Variants in STXBP4 observed in about 807,000 individuals in gnomAD.
The protein encoded by STXBP4 is syntaxin binding protein 4.
Under a neutral mutation model 76.1 loss-of-function variants are expected in STXBP4, and 55 were observed. The ratio of observed to expected loss-of-function variants is 0.72; its 90% CI spans 0.58 to 0.91. STXBP4 has a LOEUF of 0.91. STXBP4 is among the 40% of genes least tolerant of loss of function. The pLI is 0.00. For synonymous variants in STXBP4, 201 were observed against 220.2 expected (o/e 0.91, Z 0.77); for missense variants, 618 against 636.9 (o/e 0.97, Z 0.32).
At chr17:55,035,632 T>C (rs542462571) in intron 10 of STXBP4, among the ~76,000 whole-genome samples, 4 of 152,064 alleles carry the variant, frequency 2.6e-5, no homozygotes, top group East Asian at 1.9e-4. Flanking sequence ...ATACTTATTA[T>C]TGGTACATAA....
At position 55,141,683 on chromosome 17, in the gene STXBP4, C is replaced by CA. The variant is rs567868401; in HGVS notation, c.1547+323dup. On this transcript the variant is annotated intron_variant, in intron 17 of 17. Transcript: ENST00000376352. Reference sequence around the variant, plus strand: ...GTGTTTATGAAAAGTTAATACCTAGCAAAAAAATCCGTTTTGTATATCTTT... The same window carrying CA: ...GTGTTTATGAAAAGTTAATACCTAGCAAAAAAAATCCGTTTTGTATATCTTT... Among the ~76,000 whole-genome samples the CA allele has an allele frequency of 7.2e-4, 109 of 152,144 alleles. 1 individual carries two copies. The highest frequency in any genetic ancestry group is 3.4e-3 in the Middle Eastern group (1 of 294).
intron 8 of STXBP4, among the ~76,000 whole-genome samples, chr17:55,013,573 C>A (rs1410028207): frequency 6.6e-6 from 1 of 152,196 alleles, no homozygotes; most frequent in African/African-American, 2.4e-5. Context: ...AATTTTAGTC[C>A]TAAGTATTTA....
In STXBP4 at chr17:55,159,979, A is replaced by G. The variant is rs2080323245; in HGVS notation, c.*68A>G. On this transcript the variant is annotated 3_prime_UTR_variant, in exon 18 of 18. Transcript: ENST00000376352. ...GAGACGCATAACATCCAATTCTGAG[A>G]TGAAACAGTCTAAAATAGGAGTAAA... The G allele has an allele frequency of 3.1e-6, 3 of 980,190 alleles. No individual in the cohort carries two copies. The highest frequency in any genetic ancestry group is 1.6e-5 in the African/African-American group (1 of 62,012). 60.7% of individuals were successfully genotyped at this position (980,190 alleles called of 1,614,324 possible).
intron 3 of STXBP4, among the ~76,000 whole-genome samples, chr17:54,988,766 G>A (rs1405909747): frequency 1.3e-5 from 2 of 151,864 alleles, no homozygotes; most frequent in Admixed American, 6.6e-5. Flanking sequence ...GCAAGACCCC[G>A]TCTCAAAAAA....
At chr17:55,174,766 T>G (rs944944782), downstream of STXBP4, among the ~76,000 whole-genome samples, 1 of 152,236 alleles carries the variant, frequency 6.6e-6, no homozygotes, top group Non-Finnish European at 1.5e-5. Flanking sequence ...GATCTAAGAA[T>G]GGCTCTGCCT....
chr17:55,065,527 A>C (rs1031591888), intron 12 of STXBP4, among the ~76,000 whole-genome samples: 1 of 152,168 alleles, frequency 6.6e-6, no homozygotes, highest in Non-Finnish European at 1.5e-5. Context: ...CCATTTTTCA[A>C]TGAAAAGAGT....
intron 16 of STXBP4, among the ~76,000 whole-genome samples, chr17:55,130,629 C>G (rs1003918726): frequency 6.6e-6 from 1 of 152,150 alleles, no homozygotes; most frequent in Non-Finnish European, 1.5e-5. Context: ...ATTTATCCCT[C>G]CTATGTAACT....
intron 16 of STXBP4, among the ~76,000 whole-genome samples, chr17:55,135,158 T>C (rs1483551403): frequency 6.6e-6 from 1 of 152,152 alleles, no homozygotes; most frequent in African/African-American, 2.4e-5. Flanking sequence ...AAAGAAATAG[T>C]GACTGACAGA....
intron 12 of STXBP4, among the ~76,000 whole-genome samples, chr17:55,051,329 A>T (rs749457909): frequency 6.6e-5 from 10 of 152,328 alleles, no homozygotes; most frequent in Admixed American, 1.3e-4. Context: ...GTAAGGAAAA[A>T]AAACAAAGAT....
At chr17:55,040,862 T>G (rs1420239350) in intron 10 of STXBP4, among the ~76,000 whole-genome samples, 2 of 152,182 alleles carry the variant, frequency 1.3e-5, no homozygotes, top group East Asian at 3.9e-4. Context: ...TGTCTGGAAT[T>G]GTTGCTGTTA....
chr17:55,196,140 T>A, the STXBP4 span, among the ~76,000 whole-genome samples: 1 of 152,190 alleles, frequency 6.6e-6, no homozygotes, highest in East Asian at 1.9e-4. Flanking sequence ...GGCTCAGCAA[T>A]GACTTGATTG....
chr17:55,047,718 G>T (rs2078808960), intron 12 of STXBP4, among the ~76,000 whole-genome samples: 1 of 151,686 alleles, frequency 6.6e-6, no homozygotes, highest in African/African-American at 2.4e-5. Flanking sequence ...GAGATCAACA[G>T]TGATCACCTG....
At chr17:55,159,361 T>C (rs1243698937) in intron 17 of STXBP4, among the ~76,000 whole-genome samples, 1 of 152,148 alleles carries the variant, frequency 6.6e-6, no homozygotes, top group Non-Finnish European at 1.5e-5. Flanking sequence ...CAGCGTATGA[T>C]TTGTCATTTA....
chr17:55,021,363 T>C (rs976334615), intron 8 of STXBP4, among the ~76,000 whole-genome samples: 2 of 151,922 alleles, frequency 1.3e-5, no homozygotes, highest in Non-Finnish European at 2.9e-5. Context: ...ATCTCAAAAA[T>C]TTTTTTAAAA....
chr17:55,043,630 A>G (rs1235811975), intron 11 of STXBP4: 1 of 1,549,810 alleles, frequency 6.5e-7, no homozygotes, highest in Non-Finnish European at 8.7e-7. Flanking sequence ...GCAGAATTAG[A>G]TGAAGAGCCA....
At chr17:55,020,808 A>C (rs1383137346) in intron 8 of STXBP4, among the ~76,000 whole-genome samples, 1 of 152,088 alleles carries the variant, frequency 6.6e-6, no homozygotes, top group Non-Finnish European at 1.5e-5. Context: ...CAAGAGTGAA[A>C]CTCCATCTCA....
chr17:55,211,074 A>C, the STXBP4 span, among the ~76,000 whole-genome samples: 1 of 151,922 alleles, frequency 6.6e-6, no homozygotes, highest in African/African-American at 2.4e-5. Context: ...TAAAACTTTT[A>C]GGACTTTTAT....
Position 55,171,576 on chromosome 17 carries a change from T to A in STXBP4, c.*11665T>A, listed in dbSNP as rs1283883230. ...GCCAGATTCCAGTCCGTTTTGACCA[T>A]ACCCCATCATGGTATTTTAGAGTAC... is the stretch of plus-strand genomic sequence containing the variant. On this transcript the variant is annotated 3_prime_UTR_variant, in exon 18 of 18. Coordinates refer to ENST00000376352, the MANE Select transcript of STXBP4 (RefSeq NM_178509.6). 1 of 152,192 alleles carries A rather than the reference T, an allele frequency of 6.6e-6. No homozygotes were observed. The highest frequency in any genetic ancestry group is 1.5e-5 in the Non-Finnish European group (1 of 68,028). 9.4% of individuals were successfully genotyped at this position (152,192 alleles called of 1,614,324 possible).
chr17:55,026,658 G>A (rs1176392970), intron 8 of STXBP4, among the ~76,000 whole-genome samples: 1 of 152,220 alleles, frequency 6.6e-6, no homozygotes, highest in East Asian at 1.9e-4. Flanking sequence ...ATAGGGGGCA[G>A]TGGGAAGAGC....
Sources: gnomAD v4.1 joint callset for allele counts (sites outside exome capture counted in the v4.1 genomes callset) on GRCh38, gnomAD v4.1.1 for gene constraint, MANE v1.5 for transcripts, NCBI Gene and HGNC (gene_info 2026-07-23, HGNC 2026-07-21) for gene names.